The following RAD54B variants were observed in gnomAD, a reference collection of about 807,000 sequenced individuals.
The protein encoded by RAD54B is RAD54 homolog B, also known as DNA repair and recombination protein RAD54B.
RAD54B carries 78 observed loss-of-function variants against 95.8 expected under a neutral mutation model. That is an observed-to-expected ratio of 0.81 (90% CI 0.68 to 0.98). RAD54B has a LOEUF of 0.98. Ranked by LOEUF, RAD54B falls within the 50% of genes least tolerant of loss-of-function variation. The pLI, the probability that RAD54B is intolerant of heterozygous loss-of-function variation, is 0.00. For missense variants in RAD54B, 957 were observed against 1,056.6 expected (o/e 0.91, Z 1.31); for synonymous variants, 328 against 354.9 (o/e 0.92, Z 0.85).
chr8:94,407,236 G>A lies in RAD54B; in HGVS notation c.781+203C>T, dbSNP rs914830504. The stretch of plus-strand genomic sequence containing the variant: ...CAGTATTTTTATTACTGTATTCTTA[G>A]AATTATTCATTTACATATGAAATAA... On this transcript the variant is annotated intron_variant, in intron 5 of 14. Coordinates refer to ENST00000336148, the MANE Select transcript of RAD54B (RefSeq NM_012415.3). 3.3e-5 allele frequency among the ~76,000 whole-genome samples: 5 copies of A among 151,742 alleles called. No individual in the cohort carries two copies. In the East Asian group the frequency reaches 9.6e-4, roughly 29 times the overall value.
At chr8:94,466,425 G>GGC (rs1207312083) in intron 2 of RAD54B, among the ~76,000 whole-genome samples, 5 of 150,406 alleles carry the variant, frequency 3.3e-5, no homozygotes, top group African/African-American at 1.2e-4. Context: ...TTTTTTTGGG[G>GGC]GGGACGGAGT....
Position 94,372,143 on chromosome 8 carries a change from C to T in RAD54B, c.*27G>A, listed in dbSNP as rs765035232. Reference sequence around the variant, plus strand: ...ACCATACTAATTTTCAAAAGAAGAGCAATGGAATGTCAGAAGTAATCTTTC... The same window carrying T: ...ACCATACTAATTTTCAAAAGAAGAGTAATGGAATGTCAGAAGTAATCTTTC... On this transcript the variant is annotated 3_prime_UTR_variant, in exon 15 of 15. Transcript: ENST00000336148. 1.3e-6 allele frequency: 2 copies of T among 1,565,680 alleles called. No individual in the cohort carries two copies. Among genetic ancestry groups the T allele is most frequent in the Non-Finnish European group, 1.7e-6 (2 of 1,163,824 alleles).
intron 8 of RAD54B, among the ~76,000 whole-genome samples, chr8:94,398,656 T>A (rs1202433097): frequency 1.3e-5 from 2 of 152,064 alleles, no homozygotes; most frequent in African/African-American, 4.8e-5. Flanking sequence ...ATTGTAAATA[T>A]TAGTAATGAA....
At position 94,387,006 on chromosome 8, in the gene RAD54B, G is replaced by GTA; in HGVS notation, c.1962_1963insTA (p.His655TyrfsTer20). On this transcript the variant is annotated frameshift_variant, in exon 11 of 15. Transcript: ENST00000336148. LOFTEE classifies it high-confidence loss of function. ...TACTTTTCAGTAGGTCGAAGTTCGT[G>GTA]GATAACCGCTAAGAGCTTGGACAAC... 6.2e-7 allele frequency: 1 copy of GTA among 1,600,206 alleles called. No homozygotes were observed. The highest frequency in any genetic ancestry group is 8.5e-7 in the Non-Finnish European group (1 of 1,175,874).
intron 4 of RAD54B, 100 bp downstream of exon 4, chr8:94,411,021 T>G: frequency 2.3e-6 from 2 of 866,286 alleles, no homozygotes; most frequent in Non-Finnish European, 3.6e-6. Flanking sequence ...AAAGAATACC[T>G]TATCATCTCT....
intron 3 of RAD54B, among the ~76,000 whole-genome samples, chr8:94,412,370 AT>A (rs66586571): frequency 0.022 from 3,300 of 148,170 alleles, 76 homozygotes; most frequent in African/African-American, 0.066. Flanking sequence ...TGCCAATTTC[AT>A]TTTTTTTTTT....
chr8:94,402,920 T>C (rs964812764), intron 6 of RAD54B, among the ~76,000 whole-genome samples: 5 of 151,926 alleles, frequency 3.3e-5, no homozygotes, highest in African/African-American at 1.2e-4. Context: ...ATTTAGGAGG[T>C]TAAAATAATT....
At chr8:94,468,156 C>CA (rs1157503329) in intron 1 of RAD54B, 1 of 152,212 alleles carries the variant, frequency 6.6e-6, no homozygotes, top group Non-Finnish European at 1.5e-5. Context: ...CAAGATGTCT[C>CA]ACCTTTTTAG....
In RAD54B at chr8:94,431,835, G is replaced by A. The variant is rs890332953; in HGVS notation, c.305-20520C>T. 26 of 1,041,944 alleles carry A rather than the reference G, an allele frequency of 2.5e-5. No individual in the cohort carries two copies. In the South Asian group the frequency reaches 7.3e-4, roughly 29 times the overall value. The allele number at this position is 1,041,944 out of a possible 1,614,324, so 64.5% of individuals were successfully genotyped here. A position where few individuals can be genotyped will look rare whatever the true frequency, so the allele number is the denominator to read the frequency against. On this transcript the variant is annotated intron_variant, in intron 3 of 14. Transcript: ENST00000336148. ...AAGACTCAGAACTTTGAAAGAATAT[G>A]TGTTTGTATATGCATTTGTGTATAT...
At chr8:94,400,198 T>G in intron 7 of RAD54B, 40 bp downstream of exon 7, 1 of 1,543,826 alleles carries the variant, frequency 6.5e-7, no homozygotes, top group East Asian at 2.3e-5. Flanking sequence ...AAAACTAGAT[T>G]TTTTTTAAAT....
chr8:94,458,148 A>G, intron 3 of RAD54B, 120 bp downstream of exon 3: 1 of 885,514 alleles, frequency 1.1e-6, no homozygotes, highest in Non-Finnish European at 1.6e-6. Flanking sequence ...ACTACCAACA[A>G]TGTAGTGGTA....
At chr8:94,467,600 A>G in intron 1 of RAD54B, 45 bp from the exon 2 acceptor site, 2 of 1,534,894 alleles carry the variant, frequency 1.3e-6, no homozygotes, top group South Asian at 2.5e-5. Context: ...ATCTAATTAC[A>G]ATCACCCCCA....
intron 1 of RAD54B, among the ~76,000 whole-genome samples, chr8:94,472,949 AACAG>A (rs2130217281): frequency 6.7e-6 from 1 of 149,544 alleles, no homozygotes; most frequent in African/African-American, 2.5e-5. Flanking sequence ...TGGTTAAGAA[AACAG>A]ACTGACTCTG....
chr8:94,441,142 C>T (rs1195219084), intron 3 of RAD54B, among the ~76,000 whole-genome samples: 3 of 152,198 alleles, frequency 2.0e-5, no homozygotes, highest in South Asian at 2.1e-4. Context: ...AAATCAATCA[C>T]GACCCTTTCA....
intron 14 of RAD54B, among the ~76,000 whole-genome samples, chr8:94,373,712 G>A (rs1810495948): frequency 6.6e-6 from 1 of 152,058 alleles, no homozygotes; most frequent in African/African-American, 2.4e-5. Flanking sequence ...AGACTGCCCT[G>A]ACTAACTTAT....
chr8:94,390,288 T>TC (rs1479661030), intron 10 of RAD54B, among the ~76,000 whole-genome samples: 7 of 151,374 alleles, frequency 4.6e-5, no homozygotes, highest in Non-Finnish European at 1.0e-4. Flanking sequence ...TCACCTGAGG[T>TC]CAGGAGTTCG....
intron 3 of RAD54B, among the ~76,000 whole-genome samples, chr8:94,419,919 G>A (rs752341357): frequency 8.6e-5 from 13 of 152,028 alleles, no homozygotes; most frequent in South Asian, 2.1e-4. Context: ...TGGTGGTCCC[G>A]TAACATCTTA....
chr8:94,391,435 G>A (rs957788170), intron 10 of RAD54B, among the ~76,000 whole-genome samples, 174 bp downstream of exon 10: 1 of 148,986 alleles, frequency 6.7e-6, no homozygotes, highest in Non-Finnish European at 1.5e-5. Context: ...GACATGCTCT[G>A]AAGAACAAAT....
intron 14 of RAD54B, among the ~76,000 whole-genome samples, chr8:94,376,607 A>T (rs1810578233): frequency 6.6e-6 from 1 of 151,010 alleles, no homozygotes; most frequent in Non-Finnish European, 1.5e-5. Flanking sequence ...AGAAAATCTG[A>T]AAACATTTCT....
Sources: gnomAD v4.1 joint callset for allele counts (sites outside exome capture counted in the v4.1 genomes callset) on GRCh38, gnomAD v4.1.1 for gene constraint, MANE v1.5 for transcripts, NCBI Gene and HGNC (gene_info 2026-07-23, HGNC 2026-07-21) for gene names.